ATP10B: variants seen among roughly 807,000 people sequenced by gnomAD.
The protein encoded by ATP10B is ATPase phospholipid transporting 10B (putative), also known as phospholipid-transporting ATPase VB.
In ATP10B, 122 loss-of-function variants were observed where a neutral mutation model predicts 141.2. The ratio of observed to expected loss-of-function variants is 0.86; its 90% CI spans 0.75 to 1.00. The LOEUF (loss-of-function observed/expected upper bound fraction) is 1.00. ATP10B is among the 50% of genes least tolerant of loss of function. The pLI is 0.00. For missense variants in ATP10B, 1,876 were observed against 1,825.3 expected, an observed-to-expected ratio of 1.03 and a Z score of -0.51; for synonymous variants, 685 against 692.0, an observed-to-expected ratio of 0.99 and a Z score of 0.16.
chr5:160,918,980 C>T, the ATP10B span, among the ~76,000 whole-genome samples: 1 of 151,348 alleles, frequency 6.6e-6, no homozygotes, highest in Non-Finnish European at 1.5e-5. Context: ...AATCCCAGCA[C>T]TTTGGGAGGC....
chr5:160,632,424 G>A, intron 12 of ATP10B, 57 bp from the exon 13 acceptor site: 2 of 1,534,120 alleles, frequency 1.3e-6, no homozygotes, highest in African/African-American at 1.4e-5. Context: ...ACCATGTTGG[G>A]GAAAACCTAG....
At chr5:160,696,690 C>T (rs1161343207) in intron 3 of ATP10B, among the ~76,000 whole-genome samples, 2 of 152,136 alleles carry the variant, frequency 1.3e-5, no homozygotes, top group Admixed American at 1.3e-4. Flanking sequence ...ACATGGTTTG[C>T]AAGTTTCTTC....
chr5:160,716,724 T>A (rs1422891856), intron 3 of ATP10B, among the ~76,000 whole-genome samples, 185 bp downstream of exon 3: 1 of 152,210 alleles, frequency 6.6e-6, no homozygotes, highest in East Asian at 1.9e-4. Context: ...AGGTAGGTAG[T>A]CCAAGGCTGA....
intron 2 of ATP10B, among the ~76,000 whole-genome samples, chr5:160,742,925 A>C (rs188583590): frequency 2.0e-5 from 3 of 152,352 alleles, no homozygotes; most frequent in Non-Finnish European, 2.9e-5. Flanking sequence ...CCTTGACTGC[A>C]TGAAGGTGTT....
chr5:160,581,860 A>G (rs1755576147), intron 24 of ATP10B, among the ~76,000 whole-genome samples: 2 of 152,198 alleles, frequency 1.3e-5, no homozygotes, highest in African/African-American at 4.8e-5. Context: ...TATTTAGGAT[A>G]GTTAGCCCTT....
intron 2 of ATP10B, among the ~76,000 whole-genome samples, chr5:160,737,256 A>G (rs1053176783): frequency 6.6e-6 from 1 of 152,236 alleles, no homozygotes; most frequent in Non-Finnish European, 1.5e-5. Flanking sequence ...ACATACCTCA[A>G]CATAATAAAA....
chr5:160,881,919 T>A, the ATP10B span, among the ~76,000 whole-genome samples: 1 of 152,146 alleles, frequency 6.6e-6, no homozygotes, highest in Non-Finnish European at 1.5e-5. Context: ...ATGTACACAA[T>A]GAAATATTAT....
intron 2 of ATP10B, among the ~76,000 whole-genome samples, chr5:160,767,635 A>AACCC (rs1554113840): frequency 6.9e-5 from 6 of 86,666 alleles, no homozygotes; most frequent in African/African-American, 1.9e-4. Context: ...TGTGTGCAGA[A>AACCC]CCCCCCCCCC....
intron 22 of ATP10B, among the ~76,000 whole-genome samples, chr5:160,593,124 C>T (rs765309897): frequency 2.8e-4 from 43 of 152,354 alleles, no homozygotes; most frequent in Non-Finnish European, 3.8e-4. Flanking sequence ...CAAGTGGGTC[C>T]GTGACCCCTG....
At chr5:160,656,247 T>G (rs1466312651) in intron 7 of ATP10B, among the ~76,000 whole-genome samples, 1 of 152,244 alleles carries the variant, frequency 6.6e-6, no homozygotes, top group Non-Finnish European at 1.5e-5. Context: ...TTCTGTAAAC[T>G]TCTGGCTTTC....
At chr5:160,873,900 G>C in the ATP10B span, among the ~76,000 whole-genome samples, 3 of 152,334 alleles carry the variant, frequency 2.0e-5, no homozygotes, top group South Asian at 6.2e-4. Flanking sequence ...ACGGAGTCTC[G>C]CTGATTGCTA....
At chr5:160,673,685 T>G (rs1762862690) in intron 6 of ATP10B, among the ~76,000 whole-genome samples, 1 of 152,096 alleles carries the variant, frequency 6.6e-6, no homozygotes, top group African/African-American at 2.4e-5. Flanking sequence ...TTTTGTTGTT[T>G]ATTTATATAT....
chr5:160,790,747 G>T (rs1030508132), intron 1 of ATP10B, among the ~76,000 whole-genome samples: 1 of 152,160 alleles, frequency 6.6e-6, no homozygotes, highest in Non-Finnish European at 1.5e-5. Context: ...AGATGCCCAT[G>T]TCCTAATCCC....
intron 2 of ATP10B, among the ~76,000 whole-genome samples, chr5:160,744,325 G>A (rs1767664369): frequency 6.6e-6 from 1 of 152,136 alleles, no homozygotes; most frequent in African/African-American, 2.4e-5. Context: ...CCCTACTTCT[G>A]AATGCTGTCA....
chr5:160,873,123 G>T, the ATP10B span, among the ~76,000 whole-genome samples: 135 of 91,448 alleles, frequency 1.5e-3, 1 homozygote, highest in Middle Eastern at 6.8e-3. Context: ...GGTTTTTTTT[G>T]TTTTTTTTTT....
At chr5:160,773,069 C>CATTA (rs59898398) in intron 2 of ATP10B, among the ~76,000 whole-genome samples, 3 of 125,864 alleles carry the variant, frequency 2.4e-5, no homozygotes, top group Non-Finnish European at 4.8e-5. Flanking sequence ...TATTTGTTGT[C>CATTA]GTTGTTAATT....
intron 7 of ATP10B, among the ~76,000 whole-genome samples, chr5:160,654,928 A>G (rs1761377986): frequency 6.6e-6 from 1 of 152,214 alleles, no homozygotes; most frequent in East Asian, 1.9e-4. Flanking sequence ...AGTGCCATCC[A>G]GACAGCAAAG....
chr5:160,791,011 A>G (rs1771528318), intron 1 of ATP10B, among the ~76,000 whole-genome samples: 1 of 152,178 alleles, frequency 6.6e-6, no homozygotes, highest in Non-Finnish European at 1.5e-5. Context: ...GAAGGGGGTC[A>G]TGAGCCAAGG....
chr5:160,567,071 G>A (rs545351217), intron 25 of ATP10B, among the ~76,000 whole-genome samples: 224 of 152,202 alleles, frequency 1.5e-3, no homozygotes, highest in Admixed American at 2.2e-3. Context: ...TGTGTCCCAG[G>A]AAATATTTGA....
Sources: gnomAD v4.1 joint callset for allele counts (sites outside exome capture counted in the v4.1 genomes callset) on GRCh38, gnomAD v4.1.1 for gene constraint, MANE v1.5 for transcripts, NCBI Gene and HGNC (gene_info 2026-07-23, HGNC 2026-07-21) for gene names.